The following CDK7 variants were observed in gnomAD, a reference collection of about 807,000 sequenced individuals.
The protein encoded by CDK7 is cyclin-dependent kinase 7.
A neutral mutation model predicts 49.1 loss-of-function variants in CDK7; 25 were observed. The observed-to-expected ratio is 0.51, with a 90% CI of 0.37 to 0.71. CDK7 has a LOEUF of 0.71. CDK7 is among the 30% of genes least tolerant of loss of function. The probability of loss-of-function intolerance (pLI) is 0.00; values close to 1 mark genes in which losing one functional copy is unlikely to be tolerated. For missense variants in CDK7, 316 were observed against 411.7 expected (o/e 0.77, Z 2.01); for synonymous variants, 107 against 140.0 (o/e 0.76, Z 1.67).
At chr5:69,263,685 A>G (rs1750974045) in intron 8 of CDK7, among the ~76,000 whole-genome samples, 2 of 152,232 alleles carry the variant, frequency 1.3e-5, no homozygotes, top group Non-Finnish European at 2.9e-5. Flanking sequence ...GATAACTGCT[A>G]CTTACCTGAA....
intron 2 of CDK7, among the ~76,000 whole-genome samples, chr5:69,239,586 T>C (rs192272384): frequency 1.3e-5 from 2 of 152,274 alleles, no homozygotes; most frequent in African/African-American, 4.8e-5. Flanking sequence ...TCTTTTATAT[T>C]CTGGATATTG....
At chr5:69,248,478 C>T (rs1749901941) in intron 2 of CDK7, among the ~76,000 whole-genome samples, 1 of 152,006 alleles carries the variant, frequency 6.6e-6, no homozygotes, top group Admixed American at 6.6e-5. Flanking sequence ...ACCTCCTCCT[C>T]CCGGGTTCAA....
chr5:69,235,485 T>G, intron 2 of CDK7, 32 bp downstream of exon 2: 9 of 1,389,862 alleles, frequency 6.5e-6, no homozygotes, highest in Non-Finnish European at 9.2e-6. Context: ...TTTTTAAGTC[T>G]CCTTGAAGAT....
At chr5:69,245,560 C>T (rs962876272) in intron 2 of CDK7, among the ~76,000 whole-genome samples, 2 of 151,828 alleles carry the variant, frequency 1.3e-5, no homozygotes, top group Admixed American at 6.6e-5. Flanking sequence ...AGGCTGGTCT[C>T]GAACTCCTGA....
chr5:69,268,813 G>A (rs1025654022), intron 8 of CDK7, among the ~76,000 whole-genome samples: 1 of 131,426 alleles, frequency 7.6e-6, no homozygotes, highest in African/African-American at 2.9e-5. Flanking sequence ...CTCTAGCCTG[G>A]GCAACAGAGC....
chr5:69,271,385 G>A (rs779117016), intron 9 of CDK7, among the ~76,000 whole-genome samples: 17 of 151,834 alleles, frequency 1.1e-4, no homozygotes, highest in Non-Finnish European at 2.4e-4. Context: ...GTTTTCCCTC[G>A]TGCTGCCTTT....
chr5:69,247,582 ATAT>A (rs1159549438), intron 2 of CDK7, among the ~76,000 whole-genome samples: 2 of 150,616 alleles, frequency 1.3e-5, no homozygotes, highest in East Asian at 3.9e-4. Flanking sequence ...ATATTCAGTG[ATAT>A]TATTGATAAG....
intron 7 of CDK7, among the ~76,000 whole-genome samples, chr5:69,261,526 A>ATGTGTATG (rs1561365855): frequency 1.7e-5 from 2 of 118,044 alleles, no homozygotes; most frequent in Admixed American, 8.4e-5. Context: ...GTGTGTGTGT[A>ATGTGTATG]TGTGTGTGTG....
intron 1 of CDK7, 65 bp from the exon 2 acceptor site, chr5:69,235,328 TA>T: frequency 1.6e-6 from 2 of 1,259,046 alleles, no homozygotes; most frequent in South Asian, 2.4e-5. Context: ...TCGCGAAATG[TA>T]AAAATGCAAA....
At chr5:69,274,904 C>T (rs1751954511) in intron 10 of CDK7, among the ~76,000 whole-genome samples, 2 of 152,128 alleles carry the variant, frequency 1.3e-5, no homozygotes, top group Non-Finnish European at 2.9e-5. Flanking sequence ...GCATGAGCCA[C>T]CCCGCCCTGC....
intron 10 of CDK7, 147 bp from the exon 11 acceptor site, chr5:69,276,396 C>A: frequency 1.5e-6 from 1 of 680,092 alleles, no homozygotes; most frequent in Non-Finnish European, 2.6e-6. Context: ...TTTCCATTTG[C>A]AAATACTTGA....
rs561774601 is a variant in CDK7, at chr5:69,264,652, C to T, written c.627+2348C>T. Among the ~76,000 whole-genome samples, 4 of 152,218 alleles carry T rather than the reference C, an allele frequency of 2.6e-5. No individual in the cohort carries two copies. The South Asian group carries it at 6.2e-4, about 24-fold the overall frequency. Reference sequence around the variant, plus strand: ...TAGTGAAGCACTGCTAGATGTGAATCGTCAGACTAAAAGTGCCATGAAGAG... The same window carrying T: ...TAGTGAAGCACTGCTAGATGTGAATTGTCAGACTAAAAGTGCCATGAAGAG... On this transcript the variant is annotated intron_variant, in intron 8 of 11. Coordinates refer to ENST00000256443, the MANE Select transcript of CDK7 (RefSeq NM_001799.4).
chr5:69,267,151 A>T (rs532784831), intron 8 of CDK7, among the ~76,000 whole-genome samples: 1 of 152,260 alleles, frequency 6.6e-6, no homozygotes, highest in East Asian at 1.9e-4. Context: ...ATGAGCCTCT[A>T]TCTATACTCA....
intron 2 of CDK7, 146 bp from the exon 3 acceptor site, chr5:69,252,272 C>A: frequency 3.3e-6 from 2 of 606,586 alleles, no homozygotes; most frequent in Non-Finnish European, 2.9e-6. Context: ...ATGATTCCTA[C>A]TCTCTTTTTG....
chr5:69,258,048 A>T lies in CDK7; in HGVS notation c.303A>T (p.Ile101=). 1 of 1,509,132 alleles carries T rather than the reference A, an allele frequency of 6.6e-7. No homozygotes were observed. Among genetic ancestry groups the T allele is most frequent in the Non-Finnish European group, 9.1e-7 (1 of 1,093,216 alleles). 93.5% of individuals were successfully genotyped at this position (1,509,132 alleles called of 1,614,324 possible). Residue 101 remains isoleucine (I), a synonymous_variant, in exon 6 of 12, where the codon ATA becomes ATT. Transcript: ENST00000256443. The part of the protein sequence containing the change: ...FDFMETDLEV[I]IKDNSLVLTP... The stretch of plus-strand genomic sequence containing the variant: ...ATTGTATACTTGCTTTACAGGTTAT[A>T]ATAAAGGATAATAGTCTTGTGCTGA...
chr5:69,246,194 T>A (rs1022499439), intron 2 of CDK7, among the ~76,000 whole-genome samples: 10 of 152,132 alleles, frequency 6.6e-5, no homozygotes, highest in African/African-American at 2.2e-4. Context: ...GGGAGTGCAG[T>A]GGCGCGATCT....
In CDK7 at chr5:69,272,892, G is replaced by T; in HGVS notation, c.715G>T (p.Asp239Tyr). ...TTGAATTACAAAATTATTTTTACAG[G>T]ACATGTGTAGTCTTCCAGATTATGT... Reference protein sequence around the residue: ...LGTPTEEQWPDMCSLPDYVTF... With the variant: ...LGTPTEEQWPYMCSLPDYVTF... Residue 239 changes from aspartate to tyrosine, a missense_variant and splice_region_variant, in exon 10 of 12, where the codon GAC becomes TAC. Coordinates refer to ENST00000256443, the MANE Select transcript of CDK7 (RefSeq NM_001799.4). The T allele has an allele frequency of 2.6e-6, 4 of 1,557,572 alleles. No individual in the cohort carries two copies. The highest frequency in any genetic ancestry group is 2.3e-5 in the East Asian group (1 of 44,096).
chr5:69,252,463 A>G lies in CDK7; in HGVS notation c.160+12A>G. On this transcript the variant is annotated intron_variant, in intron 3 of 11. Coordinates refer to ENST00000256443, the MANE Select transcript of CDK7 (RefSeq NM_001799.4). The stretch of plus-strand genomic sequence containing the variant: ...AGAAGCTAAAGATGGTAAGTATTTC[A>G]TGTAATCTGACAGATAGGAAAAGTT... The G allele has an allele frequency of 1.6e-6, 2 of 1,286,898 alleles. No individual in the cohort carries two copies. Among genetic ancestry groups the G allele is most frequent in the East Asian group, 2.6e-5 (1 of 38,592 alleles). 79.7% of individuals were successfully genotyped at this position (1,286,898 alleles called of 1,614,324 possible).
intron 5 of CDK7, among the ~76,000 whole-genome samples, chr5:69,256,555 G>T (rs1264600288): frequency 6.7e-6 from 1 of 149,314 alleles, no homozygotes; most frequent in African/African-American, 2.5e-5. Context: ...TGGACGGGAT[G>T]GTTTCAAACT....
Sources: gnomAD v4.1 joint callset for allele counts (sites outside exome capture counted in the v4.1 genomes callset) on GRCh38, gnomAD v4.1.1 for gene constraint, MANE v1.5 for transcripts, NCBI Gene and HGNC (gene_info 2026-07-23, HGNC 2026-07-21) for gene names.